TRMT44: variants seen among roughly 807,000 people sequenced by gnomAD.
The protein encoded by TRMT44 is tRNA methyltransferase 44 homolog.
A neutral mutation model predicts 77.3 loss-of-function variants in TRMT44; 78 were observed. The ratio of observed to expected loss-of-function variants is 1.01; its 90% CI spans 0.84 to 1.22. The LOEUF (loss-of-function observed/expected upper bound fraction) is 1.22. Ranked by LOEUF, TRMT44 falls within the 50% of genes most tolerant of loss-of-function variation. The probability of loss-of-function intolerance (pLI) is 0.00; values close to 1 mark genes in which losing one functional copy is unlikely to be tolerated. For synonymous variants in TRMT44, 391 were observed against 383.3 expected (o/e 1.02, Z -0.23); for missense variants, 1,090 against 964.4 (o/e 1.13, Z -1.73).
intron 2 of TRMT44, among the ~76,000 whole-genome samples, chr4:8,447,497 A>G (rs1389495099): frequency 6.6e-6 from 1 of 152,102 alleles, no homozygotes; most frequent in African/African-American, 2.4e-5. Flanking sequence ...CTTCCTAGAA[A>G]GCAGAGGGAT....
At chr4:8,485,916 G>T (rs925277088) in intron 2 of TRMT44, among the ~76,000 whole-genome samples, 1 of 152,168 alleles carries the variant, frequency 6.6e-6, no homozygotes, top group Non-Finnish European at 1.5e-5. Flanking sequence ...AGAAGGCAAC[G>T]TGGAGTGGGT....
Position 8,441,021 on chromosome 4 carries a change from C to A in TRMT44, c.199C>A (p.Gln67Lys). Residue 67 changes from glutamine (Q) to lysine (K), a missense_variant, in exon 1 of 11, where the codon CAG (glutamine) becomes AAG (lysine). Physicochemically the swap from Gln to Lys is moderately conservative, Grantham distance 53. Transcript: ENST00000389737. ...CCCCGGGACTAGCGCAGGCTCGGAG[C>A]AGAAGGAGCGGGGTCCGGGACCCGG... ...RGPGTSAGSE[Q>K]KERGPGPGQG... The A allele has an allele frequency of 6.6e-7, 1 of 1,506,634 alleles. No homozygotes were observed. The highest frequency in any genetic ancestry group is 8.8e-7 in the Non-Finnish European group (1 of 1,134,608). The allele number at this position is 1,506,634 out of a possible 1,614,324, so 93.3% of individuals were successfully genotyped here.
intron 6 of TRMT44, among the ~76,000 whole-genome samples, chr4:8,459,272 G>C (rs1017112421): frequency 1.3e-5 from 2 of 152,200 alleles, no homozygotes; most frequent in Non-Finnish European, 2.9e-5. Flanking sequence ...CTTTGTTCAA[G>C]GGCCAGCTGT....
chr4:8,480,349 G>A (rs537963871), downstream of TRMT44, among the ~76,000 whole-genome samples: 5 of 152,136 alleles, frequency 3.3e-5, 1 homozygote, highest in South Asian at 4.1e-4. Context: ...ATATATTGGC[G>A]TACTTCTGGG....
In TRMT44 at chr4:8,441,070, C is replaced by T. The variant is rs1365838861; in HGVS notation, c.248C>T (p.Pro83Leu). The change falls in exon 1 of 11, where the codon CCG (proline) becomes CTG (leucine). Residue 83 changes from proline to leucine, a missense_variant. Transcript: ENST00000389737. ...GPGQGSPGGG[P>L]GPRSLSGPEQ... is the part of the protein sequence containing the mutation. ...GGCCAGGGTTCCCCCGGAGGGGGCCCGGGTCCCAGGTCGCTATCAGGACCC... is the reference window on the plus strand; with the variant it reads ...GGCCAGGGTTCCCCCGGAGGGGGCCTGGGTCCCAGGTCGCTATCAGGACCC... The T allele has an allele frequency of 7.4e-6, 11 of 1,488,312 alleles. No homozygotes were observed. The highest frequency in any genetic ancestry group is 9.8e-6 in the Non-Finnish European group (11 of 1,124,748). The allele number at this position is 1,488,312 out of a possible 1,614,324, so 92.2% of individuals were successfully genotyped here. A position where few individuals can be genotyped will look rare whatever the true frequency, so the allele number is the denominator to read the frequency against.
In TRMT44 at chr4:8,440,990, C is replaced by A. The variant is rs1724630357; in HGVS notation, c.168C>A (p.Ala56=). The A allele has an allele frequency of 6.6e-7, 1 of 1,522,120 alleles. No homozygotes were observed. 94.3% of individuals were successfully genotyped at this position (1,522,120 alleles called of 1,614,324 possible). ...RWSAALPCAE[A]RGPGTSAGSE... ...GCGCCGCCCTGCCCTGCGCGGAGGC[C>A]CGCGGCCCCGGGACTAGCGCAGGCT... The change falls in exon 1 of 11, where the codon GCC becomes GCA. Residue 56 remains alanine (A), a synonymous_variant. Coordinates refer to ENST00000389737, the MANE Select transcript of TRMT44 (RefSeq NM_152544.3).
intron 6 of TRMT44, among the ~76,000 whole-genome samples, chr4:8,462,981 A>G (rs955129293): frequency 2.6e-5 from 4 of 152,226 alleles, no homozygotes; most frequent in Admixed American, 6.5e-5. Context: ...TTTAACATCT[A>G]TGTAAGTAGA....
At chr4:8,481,117 T>A (rs1298535431), downstream of TRMT44, among the ~76,000 whole-genome samples, 1 of 152,238 alleles carries the variant, frequency 6.6e-6, no homozygotes, top group African/African-American at 2.4e-5. Context: ...TTCAAAGAAC[T>A]TTGGTCTCCA....
At chr4:8,503,919 G>A in the TRMT44 span, among the ~76,000 whole-genome samples, 29 of 152,302 alleles carry the variant, frequency 1.9e-4, no homozygotes, top group Non-Finnish European at 2.9e-5. Context: ...ACGCACCTCG[G>A]TGCCAAGGCT....
chr4:8,514,249 ATCTT>A, the TRMT44 span, among the ~76,000 whole-genome samples: 1 of 124,502 alleles, frequency 8.0e-6, no homozygotes, highest in Admixed American at 8.7e-5. Flanking sequence ...CTGGGCTCTG[ATCTT>A]TTTTTTTTTT....
intron 2 of TRMT44, among the ~76,000 whole-genome samples, chr4:8,492,608 G>A (rs1324699540): frequency 3.3e-5 from 5 of 152,120 alleles, no homozygotes; most frequent in Non-Finnish European, 7.4e-5. Context: ...GGGCAAACCT[G>A]CCTCTCATTC....
chr4:8,440,813 G>T lies in TRMT44; in HGVS notation c.-10G>T. 1 of 1,445,028 alleles carries T rather than the reference G, an allele frequency of 6.9e-7. No homozygotes were observed. Among genetic ancestry groups the T allele is most frequent in the Non-Finnish European group, 9.1e-7 (1 of 1,102,284 alleles). 89.5% of individuals were successfully genotyped at this position (1,445,028 alleles called of 1,614,324 possible). A position where few individuals can be genotyped will look rare whatever the true frequency, so the allele number is the denominator to read the frequency against. On this transcript the variant is annotated 5_prime_UTR_variant, in exon 1 of 11. Transcript: ENST00000389737. ...GCGCCGCTGCCAGGGCTGTACACCT[G>T]CTGGCTGCCATGGCTGAGGTGGGCC... is the stretch of plus-strand genomic sequence containing the variant.
chr4:8,497,556 A>G (rs1385096870), downstream of TRMT44, among the ~76,000 whole-genome samples: 1 of 152,160 alleles, frequency 6.6e-6, no homozygotes, highest in Non-Finnish European at 1.5e-5. Flanking sequence ...GAGGCAGGAG[A>G]ATTGCATGAA....
At chr4:8,490,937 G>C (rs888462440) in intron 2 of TRMT44, among the ~76,000 whole-genome samples, 6 of 152,090 alleles carry the variant, frequency 3.9e-5, no homozygotes, top group South Asian at 2.1e-4. Flanking sequence ...ACAGAGTATC[G>C]ACACAAAGGT....
In TRMT44 at chr4:8,444,840, C is replaced by A. The variant is rs1724964747; in HGVS notation, c.620-1636C>A. ...TGCCTGGATCAAAACATTTCATGTA[C>A]CCTGTAAATATATATACCTGCTATG... On this transcript the variant is annotated intron_variant, in intron 1 of 10. Coordinates refer to ENST00000389737, the MANE Select transcript of TRMT44 (RefSeq NM_152544.3). The surrounding 1 kb of genome is among the most constrained non-coding windows in gnomAD (Gnocchi z 4.0). Among the ~76,000 whole-genome samples the A allele has an allele frequency of 6.6e-6, 1 of 152,048 alleles. No homozygotes were observed. The highest frequency in any genetic ancestry group is 1.5e-5 in the Non-Finnish European group (1 of 68,000).
chr4:8,497,247 CTATT>C (rs1355970410), downstream of TRMT44, among the ~76,000 whole-genome samples: 1 of 152,008 alleles, frequency 6.6e-6, no homozygotes, highest in South Asian at 2.1e-4. Flanking sequence ...ACAAATGTCT[CTATT>C]TAGCCAGTTC....
downstream of TRMT44, among the ~76,000 whole-genome samples, chr4:8,494,230 C>T (rs1304225805): frequency 6.6e-6 from 1 of 151,954 alleles, no homozygotes; most frequent in Non-Finnish European, 1.5e-5. Flanking sequence ...AGCTGCATAC[C>T]TCCCTCACAA....
chr4:8,478,337 G>A (rs1007767732), downstream of TRMT44: 2 of 152,696 alleles, frequency 1.3e-5, no homozygotes, highest in Admixed American at 6.5e-5. Context: ...CTCCCAGGTG[G>A]GGTCCTGCCA....
At chr4:8,463,894 C>T (rs541614567) in intron 6 of TRMT44, 91 bp from the exon 7 acceptor site, 4 of 1,070,396 alleles carry the variant, frequency 3.7e-6, no homozygotes, top group African/African-American at 1.6e-5. Context: ...CTGTGTGACT[C>T]CAGAGCCTGT....
Sources: gnomAD v4.1 joint callset for allele counts (sites outside exome capture counted in the v4.1 genomes callset) on GRCh38, gnomAD v4.1.1 for gene constraint, Gnocchi (gnomAD v3.1) non-coding constraint, MANE v1.5 for transcripts, NCBI Gene and HGNC (gene_info 2026-07-23, HGNC 2026-07-21) for gene names.